EIF4ENIF1: variants seen among roughly 807,000 people sequenced by gnomAD.
The protein encoded by EIF4ENIF1 is eukaryotic translation initiation factor 4E nuclear import factor 1, also known as eukaryotic translation initiation factor 4E transporter.
Under a neutral mutation model 110.5 loss-of-function variants are expected in EIF4ENIF1, and 23 were observed. The observed-to-expected ratio is 0.21, with a 90% CI of 0.15 to 0.29. The LOEUF is 0.29. EIF4ENIF1 is among the 10% of genes least tolerant of loss of function. The probability of loss-of-function intolerance (pLI) is 1.00; values close to 1 mark genes in which losing one functional copy is unlikely to be tolerated. For synonymous variants in EIF4ENIF1, 440 were observed against 437.0 expected (o/e 1.01, Z -0.09); for missense variants, 1,031 against 1,221.1 (o/e 0.84, Z 2.32).
intron 15 of EIF4ENIF1, 64 bp downstream of exon 15, chr22:31,444,542 A>G: frequency 6.7e-7 from 1 of 1,493,016 alleles, no homozygotes; most frequent in Non-Finnish European, 9.3e-7. Context: ...ACAGTGGTAC[A>G]ATCCATGCAC....
intron 3 of EIF4ENIF1, among the ~76,000 whole-genome samples, chr22:31,471,526 G>A (rs2051379623): frequency 6.6e-6 from 1 of 152,190 alleles, no homozygotes; most frequent in Admixed American, 6.5e-5. Context: ...ATGTCAGCCA[G>A]GATGGTCTCG....
chr22:31,481,123 G>C (rs1488084423), intron 2 of EIF4ENIF1, among the ~76,000 whole-genome samples: 1 of 152,186 alleles, frequency 6.6e-6, no homozygotes, highest in Non-Finnish European at 1.5e-5. Flanking sequence ...ACAACTTCCA[G>C]TAAGATAGGT....
Position 31,441,207 on chromosome 22 carries a change from C to T in EIF4ENIF1, c.2552-339G>A, listed in dbSNP as rs534458306. Among the ~76,000 whole-genome samples, 76 of 151,220 alleles carry T rather than the reference C, an allele frequency of 5.0e-4. 1 individual carries two copies. The highest frequency in any genetic ancestry group is 1.5e-3 in the African/African-American group (60 of 41,184). ...GGCAGAGGTTGCAGTGAGCAGAGAT[C>T]GCGCCACTGCACTCTAGCCTGGGCG... On this transcript the variant is annotated intron_variant, in intron 17 of 18. Coordinates refer to ENST00000330125, the MANE Select transcript of EIF4ENIF1 (RefSeq NM_019843.4).
At position 31,440,690 on chromosome 22, in the gene EIF4ENIF1, A is replaced by T; in HGVS notation, c.2716+14T>A. ...AGTCCGTCCCAAACTCACCTGTCAC[A>T]TTCCTGAACCTACCTGAGCGCTGTA... is the stretch of plus-strand genomic sequence containing the variant. On this transcript the variant is annotated intron_variant, in intron 18 of 18. Coordinates refer to ENST00000330125, the MANE Select transcript of EIF4ENIF1 (RefSeq NM_019843.4). The T allele has an allele frequency of 6.2e-7, 1 of 1,610,136 alleles. No homozygotes were observed. Among genetic ancestry groups the T allele is most frequent in the South Asian group, 1.1e-5 (1 of 90,856 alleles).
At chr22:31,448,776 T>C (rs544890269) in intron 12 of EIF4ENIF1, among the ~76,000 whole-genome samples, 2 of 152,218 alleles carry the variant, frequency 1.3e-5, no homozygotes, top group East Asian at 3.8e-4. Flanking sequence ...AACAGCAGAT[T>C]GTCTATCAAA....
At chr22:31,445,700 T>A (rs560968357) in intron 14 of EIF4ENIF1, among the ~76,000 whole-genome samples, 1 of 151,470 alleles carries the variant, frequency 6.6e-6, no homozygotes, top group South Asian at 2.1e-4. Context: ...CAGGATGGAG[T>A]GGGGTTACTA....
intron 4 of EIF4ENIF1, 147 bp downstream of exon 4, chr22:31,468,028 A>AT: frequency 8.4e-7 from 1 of 1,192,770 alleles, no homozygotes; most frequent in South Asian, 1.6e-5. Flanking sequence ...TACCCTGCTG[A>AT]TTAGGAAAAA....
At chr22:31,465,323 C>CAAA (rs544872114) in intron 4 of EIF4ENIF1, among the ~76,000 whole-genome samples, 19 of 60,860 alleles carry the variant, frequency 3.1e-4, no homozygotes, top group African/African-American at 9.9e-4. Context: ...GACTCTGTCT[C>CAAA]AAAAAAAAAA....
At chr22:31,437,839 T>G (rs919632732), downstream of EIF4ENIF1, 3 of 152,168 alleles carry the variant, frequency 2.0e-5, 1 homozygote, top group Admixed American at 2.0e-4. Flanking sequence ...CAGAAAGCAT[T>G]TGCCAAAAAT....
intron 2 of EIF4ENIF1, among the ~76,000 whole-genome samples, chr22:31,483,002 G>A (rs2051880790): frequency 6.6e-6 from 1 of 151,446 alleles, no homozygotes; most frequent in Admixed American, 6.6e-5. Flanking sequence ...CCAGCCTGGC[G>A]ACAGACAGAG....
chr22:31,487,793 CAAAAAAA>C (rs35367724), intron 2 of EIF4ENIF1, among the ~76,000 whole-genome samples: 48 of 69,034 alleles, frequency 7.0e-4, no homozygotes, highest in African/African-American at 2.0e-3. Flanking sequence ...CTGTCGGGTG[CAAAAAAA>C]AAAAAAAAAA....
At position 31,489,774 on chromosome 22, in the gene EIF4ENIF1, C is replaced by A. The variant is rs2052194591; in HGVS notation, c.-108G>T. The A allele has an allele frequency of 6.6e-6, 1 of 152,296 alleles. No individual in the cohort carries two copies. The highest frequency in any genetic ancestry group is 2.0e-4 in the South Asian group (1 of 4,912). The allele number at this position is 152,296 out of a possible 1,614,324, so 9.4% of individuals were successfully genotyped here. On this transcript the variant is annotated 5_prime_UTR_variant, in exon 1 of 19. Coordinates refer to ENST00000330125, the MANE Select transcript of EIF4ENIF1 (RefSeq NM_019843.4). ...TGCCCGCACCGGTCCCAGCGCCGCT[C>A]CCCGCAGCCTTCGCTCTCGCGCCCC...
In EIF4ENIF1 at chr22:31,450,843, C is replaced by CCACACACA. The variant is rs1569073447; in HGVS notation, c.1513-484_1513-483insTGTGTGTG. On this transcript the variant is annotated intron_variant, in intron 10 of 18. Transcript: ENST00000330125. ...ACATACATACACACATATATATATA[C>CCACACACA]TACACACACACACACACACACACAC... The CCACACACA allele has an allele frequency of 2.7e-4, 26 of 96,932 alleles. No individual in the cohort carries two copies. The South Asian group carries it at 3.2e-3, about 12-fold the overall frequency. The allele number at this position is 96,932 out of a possible 1,614,324, so 6.0% of individuals were successfully genotyped here.
chr22:31,456,469 C>T (rs577719977), intron 7 of EIF4ENIF1, among the ~76,000 whole-genome samples: 24 of 151,928 alleles, frequency 1.6e-4, no homozygotes, highest in Admixed American at 4.6e-4. Flanking sequence ...GTGATCCGCC[C>T]GCCTTGGCCT....
chr22:31,478,514 T>TAAAAA (rs1267018359), intron 2 of EIF4ENIF1, among the ~76,000 whole-genome samples: 1 of 11,722 alleles, frequency 8.5e-5, no homozygotes, highest in Non-Finnish European at 1.9e-4. Context: ...AGACTCTGTC[T>TAAAAA]CAAAAAAAAA....
intron 2 of EIF4ENIF1, among the ~76,000 whole-genome samples, chr22:31,477,436 A>G (rs1379123950): frequency 6.6e-6 from 1 of 152,086 alleles, no homozygotes; most frequent in African/African-American, 2.4e-5. Context: ...TGTTTTGTTC[A>G]ATATAATCTT....
At chr22:31,468,072 T>C (rs191104586) in intron 4 of EIF4ENIF1, 103 bp downstream of exon 4, 28 of 1,492,498 alleles carry the variant, frequency 1.9e-5, no homozygotes, top group Admixed American at 1.2e-4. Context: ...GATAATGACA[T>C]TTCCCCTCAA....
intron 14 of EIF4ENIF1, among the ~76,000 whole-genome samples, chr22:31,446,529 T>G (rs2145912907): frequency 6.6e-6 from 1 of 152,222 alleles, no homozygotes; most frequent in South Asian, 2.1e-4. Context: ...TGAGGCACTG[T>G]GGTAGTAACT....
At chr22:31,450,846 CACACACACA>C (rs1569073547) in intron 10 of EIF4ENIF1, 3,876 of 57,856 alleles carry the variant, frequency 0.067, 60 homozygotes, top group Middle Eastern at 0.087. Flanking sequence ...ATATATACTA[CACACACACA>C]CACACACACA....
Sources: gnomAD v4.1 joint callset for allele counts (sites outside exome capture counted in the v4.1 genomes callset) on GRCh38, gnomAD v4.1.1 for gene constraint, MANE v1.5 for transcripts, NCBI Gene and HGNC (gene_info 2026-07-23, HGNC 2026-07-21) for gene names.